CCDC7: variants seen among roughly 807,000 people sequenced by gnomAD.
CCDC7 encodes coiled-coil domain-containing protein 7.
In CCDC7, 183 loss-of-function variants were observed where a neutral mutation model predicts 196.9. The observed-to-expected ratio is 0.93, with a 90% CI of 0.82 to 1.05. CCDC7 has a LOEUF of 1.05. CCDC7 is among the 50% of genes least tolerant of loss of function. The pLI is 0.00. For synonymous variants in CCDC7, 525 were observed against 484.6 expected, an observed-to-expected ratio of 1.08 and a Z score of -1.10; for missense variants, 1,540 against 1,482.2, an observed-to-expected ratio of 1.04 and a Z score of -0.64.
intron 9 of CCDC7, 49 bp downstream of exon 10, chr10:32,492,046 A>G (rs755079771): frequency 1.4e-6 from 2 of 1,475,618 alleles, no homozygotes; most frequent in Non-Finnish European, 9.0e-7. Flanking sequence ...TTTTAAAAAA[A>G]GACAGATAAA....
At chr10:32,597,014 C>T (rs1018173153) in intron 18 of CCDC7, among the ~76,000 whole-genome samples, 10 of 152,240 alleles carry the variant, frequency 6.6e-5, no homozygotes, top group Middle Eastern at 6.8e-3. Context: ...TGGGGTTGCT[C>T]TTCTCAAGGA....
intron 1 of CCDC7, among the ~76,000 whole-genome samples, chr10:32,452,517 G>A (rs558789604): frequency 2.0e-5 from 3 of 152,344 alleles, no homozygotes; most frequent in Admixed American, 1.3e-4. Context: ...GAGTGCCGTG[G>A]CATGATCTTG....
intron 30 of CCDC7, among the ~76,000 whole-genome samples, chr10:32,807,231 A>T (rs2135217846): frequency 6.6e-6 from 1 of 152,304 alleles, no homozygotes; most frequent in Admixed American, 6.5e-5. Flanking sequence ...AATATACTTC[A>T]CTTCTTTCTA....
chr10:32,647,645 G>C, intron 20 of CCDC7, among the ~76,000 whole-genome samples: 1 of 151,974 alleles, frequency 6.6e-6, no homozygotes, highest in Non-Finnish European at 1.5e-5. Flanking sequence ...TTTGATAAGT[G>C]TCTGTTCATG....
intron 18 of CCDC7, among the ~76,000 whole-genome samples, chr10:32,631,736 A>C (rs1278281422): frequency 6.6e-6 from 1 of 151,816 alleles, no homozygotes; most frequent in Non-Finnish European, 1.5e-5. Flanking sequence ...AATCAGTTGG[A>C]ATGTATTGTC....
At chr10:32,446,802 A>C (rs1414510129), upstream of CCDC7, among the ~76,000 whole-genome samples, 1 of 152,040 alleles carries the variant, frequency 6.6e-6, no homozygotes, top group East Asian at 1.9e-4. Context: ...ACGAGTATTC[A>C]TTGCGTGTGA....
intron 28 of CCDC7, among the ~76,000 whole-genome samples, chr10:32,743,077 G>GT (rs1031523193): frequency 1.3e-5 from 2 of 152,100 alleles, no homozygotes; most frequent in African/African-American, 2.4e-5. Context: ...AATGTTATGG[G>GT]TTTTTTCCCC....
intron 23 of CCDC7, among the ~76,000 whole-genome samples, chr10:32,690,086 C>T (rs766255519): frequency 2.6e-5 from 4 of 152,168 alleles, no homozygotes; most frequent in African/African-American, 4.8e-5. Flanking sequence ...TGGCAGTCTC[C>T]TCTGGAATGA....
At chr10:32,576,587 G>C (rs1013828817) in intron 16 of CCDC7, among the ~76,000 whole-genome samples, 1 of 97,368 alleles carries the variant, frequency 1.0e-5, no homozygotes, top group African/African-American at 3.9e-5. Flanking sequence ...GTATCACTTT[G>C]TCCCCTAGGC....
intron 28 of CCDC7, among the ~76,000 whole-genome samples, chr10:32,746,183 G>A (rs1217909593): frequency 1.3e-5 from 2 of 152,146 alleles, no homozygotes; most frequent in Non-Finnish European, 2.9e-5. Context: ...GAGGGAGGAT[G>A]TAGACCCTGG....
intron 28 of CCDC7, among the ~76,000 whole-genome samples, chr10:32,752,810 C>T (rs569835352): frequency 1.3e-5 from 2 of 152,220 alleles, no homozygotes; most frequent in South Asian, 2.1e-4. Flanking sequence ...AGAGTTAGCA[C>T]CTTCTCACTT....
At chr10:32,630,051 G>A (rs1281093868) in intron 18 of CCDC7, among the ~76,000 whole-genome samples, 1 of 152,192 alleles carries the variant, frequency 6.6e-6, no homozygotes, top group Non-Finnish European at 1.5e-5. Context: ...TGGCTTGTTA[G>A]AAGCCAGAAC....
intron 5 of CCDC7, among the ~76,000 whole-genome samples, chr10:32,467,534 G>C (rs570726385): frequency 6.6e-6 from 1 of 152,260 alleles, no homozygotes; most frequent in African/African-American, 2.4e-5. Flanking sequence ...CCAATTTCTA[G>C]GTTGCCTGTT....
chr10:32,490,525 A>C (rs2041984985), intron 8 of CCDC7, among the ~76,000 whole-genome samples: 1 of 152,196 alleles, frequency 6.6e-6, no homozygotes. Context: ...GGCTGGGTGC[A>C]GTGGCTCACG....
At chr10:32,805,181 GC>G in intron 30 of CCDC7, 83 bp downstream of exon 31, 1 of 957,916 alleles carries the variant, frequency 1.0e-6, no homozygotes, top group Non-Finnish European at 1.7e-6. Context: ...TAGCAATGGT[GC>G]CCATTTGTTA....
intron 28 of CCDC7, among the ~76,000 whole-genome samples, chr10:32,739,212 A>G (rs2085399659): frequency 1.3e-5 from 2 of 151,766 alleles, no homozygotes. Flanking sequence ...AGCCATTATT[A>G]TTTCAAATAT....
At chr10:32,543,438 C>A in intron 12 of CCDC7, 53 bp downstream of exon 13, 2 of 1,216,412 alleles carry the variant, frequency 1.6e-6, no homozygotes, top group East Asian at 6.0e-5. Flanking sequence ...TTTATATTTT[C>A]TTTTTATACA....
At chr10:32,667,528 C>T (rs1404394572) in intron 21 of CCDC7, among the ~76,000 whole-genome samples, 3 of 152,084 alleles carry the variant, frequency 2.0e-5, no homozygotes, top group East Asian at 3.9e-4. Context: ...CTTTAATCCA[C>T]GTGAATTAAT....
chr10:32,823,283 A>C (rs1401648963), intron 31 of CCDC7, among the ~76,000 whole-genome samples: 2 of 151,902 alleles, frequency 1.3e-5, no homozygotes, highest in Admixed American at 6.6e-5. Context: ...GCTGGGACTA[A>C]GGCGCACGCC....
Sources: allele counts gnomAD v4.1 joint callset (sites outside exome capture counted in the v4.1 genomes callset), GRCh38; gene constraint gnomAD v4.1.1; transcripts MANE v1.5; gene names NCBI Gene and HGNC (gene_info 2026-07-23, HGNC 2026-07-21).